The following CLYBL variants were observed in gnomAD, a reference collection of about 807,000 sequenced individuals.
CLYBL encodes citramalyl-CoA lyase, also known as citramalyl-CoA lyase, mitochondrial.
A neutral mutation model predicts 38.9 loss-of-function variants in CLYBL; 31 were observed. That is an observed-to-expected ratio of 0.80 (90% confidence interval 0.60 to 1.08). The LOEUF is 1.08. Ranked by LOEUF, CLYBL falls within the 50% of genes least tolerant of loss-of-function variation. The probability of loss-of-function intolerance (pLI) is 0.00; values close to 1 mark genes in which losing one functional copy is unlikely to be tolerated. For missense variants in CLYBL, 434 were observed against 411.6 expected, an observed-to-expected ratio of 1.05 and a Z score of -0.47; for synonymous variants, 171 against 158.6, an observed-to-expected ratio of 1.08 and a Z score of -0.59.
At chr13:99,810,849 C>T (rs573730369) in intron 2 of CLYBL, among the ~76,000 whole-genome samples, 1 of 152,092 alleles carries the variant, frequency 6.6e-6, no homozygotes, top group Non-Finnish European at 1.5e-5. Flanking sequence ...AAACGTAGCC[C>T]TCCTGTCAGC....
At chr13:99,781,808 C>A (rs1221930304) in intron 2 of CLYBL, among the ~76,000 whole-genome samples, 1 of 152,124 alleles carries the variant, frequency 6.6e-6, no homozygotes, top group African/African-American at 2.4e-5. Flanking sequence ...TCATTCTTTC[C>A]TCTCTTAGTT....
intron 1 of CLYBL, among the ~76,000 whole-genome samples, chr13:99,706,733 C>A (rs888630001): frequency 1.3e-4 from 20 of 152,320 alleles, no homozygotes; most frequent in Admixed American, 8.5e-4. Context: ...GCTTCTTCAG[C>A]CGAGCTCCAG....
rs184094550 is a variant in CLYBL, at chr13:99,628,378, G to A, written c.62+21621G>A. On this transcript the variant is annotated intron_variant, in intron 1 of 8. Transcript: ENST00000339105. ...TTCTTTAAGTGATATAGTAGACCTTGTTTGGATTAATCAGCAGCCTTGGGA... is the reference window on the plus strand; with the variant it reads ...TTCTTTAAGTGATATAGTAGACCTTATTTGGATTAATCAGCAGCCTTGGGA... 2.6e-3 allele frequency among the ~76,000 whole-genome samples: 392 copies of A among 152,292 alleles called. 1 individual carries two copies. The highest frequency in any genetic ancestry group is 8.9e-3 in the African/African-American group (371 of 41,558).
At chr13:99,852,158 T>C (rs2051347582) in intron 2 of CLYBL, among the ~76,000 whole-genome samples, 1 of 152,202 alleles carries the variant, frequency 6.6e-6, no homozygotes, top group Non-Finnish European at 1.5e-5. Context: ...GGTAGAATAG[T>C]GGTTGCCTAG....
intron 9 of CLYBL, among the ~76,000 whole-genome samples, chr13:99,907,233 T>G (rs1322786667): frequency 6.6e-6 from 1 of 152,170 alleles, no homozygotes; most frequent in East Asian, 1.9e-4. Context: ...CTAAGTAACC[T>G]TGAGCAAGAT....
chr13:99,784,321 C>T (rs565155038), intron 2 of CLYBL, among the ~76,000 whole-genome samples: 10 of 152,204 alleles, frequency 6.6e-5, no homozygotes, highest in South Asian at 2.1e-4. Flanking sequence ...TTGCAGTGGT[C>T]TCAAGGCTTA....
Position 99,874,964 on chromosome 13 carries a change from A to G in CLYBL, c.927+3902A>G, listed in dbSNP as rs113699494. ...CTCTGCTAGAATATTCATATTTTGCAGTATCTGGCTACAAATATGGCTTTG... is the reference window on the plus strand; with the variant it reads ...CTCTGCTAGAATATTCATATTTTGCGGTATCTGGCTACAAATATGGCTTTG... On this transcript the variant is annotated intron_variant, in intron 7 of 8. Coordinates refer to ENST00000339105, the MANE Select transcript of CLYBL (RefSeq NM_206808.5). 8.3e-3 allele frequency among the ~76,000 whole-genome samples: 1,267 copies of G among 152,364 alleles called. 11 individuals carry two copies. Among genetic ancestry groups the G allele is most frequent in the South Asian group, 0.022 (105 of 4,830 alleles).
chr13:99,864,702 T>C, intron 4 of CLYBL, 116 bp from the exon 5 acceptor site: 1 of 711,954 alleles, frequency 1.4e-6, no homozygotes, highest in Non-Finnish European at 2.5e-6. Context: ...TTTTTAGGAC[T>C]GCTTTCAGCC....
intron 1 of CLYBL, among the ~76,000 whole-genome samples, chr13:99,719,082 A>G (rs1234496571): frequency 1.3e-5 from 2 of 150,862 alleles, no homozygotes; most frequent in Non-Finnish European, 2.9e-5. Flanking sequence ...TGAACTCCCA[A>G]CCTCAGGTAA....
intron 2 of CLYBL, among the ~76,000 whole-genome samples, chr13:99,784,447 CTCTTTTTTTT>C (rs1195418082): frequency 6.0e-5 from 6 of 99,436 alleles, no homozygotes; most frequent in African/African-American, 6.5e-5. Context: ...GGAAAATTCT[CTCTTTTTTTT>C]TTTTTTTTTT....
At chr13:99,683,653 G>A (rs941979992) in intron 1 of CLYBL, among the ~76,000 whole-genome samples, 9 of 151,470 alleles carry the variant, frequency 5.9e-5, no homozygotes, top group Non-Finnish European at 1.2e-4. Context: ...GCAATAACAC[G>A]CACAGAGCTG....
At chr13:99,905,695 A>C (rs2052689242) in intron 9 of CLYBL, among the ~76,000 whole-genome samples, 1 of 147,892 alleles carries the variant, frequency 6.8e-6, no homozygotes, top group Non-Finnish European at 1.5e-5. Flanking sequence ...GCAGCCATAA[A>C]AAAGTGTTTT....
rs113648901 is a variant in CLYBL, at chr13:99,645,203, A to G, written c.62+38446A>G. Among the ~76,000 whole-genome samples the G allele has an allele frequency of 3.5e-3, 536 of 152,316 alleles. 6 individuals carry two copies. The highest frequency in any genetic ancestry group is 0.012 in the African/African-American group (481 of 41,572). On this transcript the variant is annotated intron_variant, in intron 1 of 8. Coordinates refer to ENST00000339105, the MANE Select transcript of CLYBL (RefSeq NM_206808.5). Reference sequence around the variant, plus strand: ...TTTGTTATTGCCTATCTTTTAGATAAAAGTCATTTTAGGCCGGGTGCAGTG... The same window carrying G: ...TTTGTTATTGCCTATCTTTTAGATAGAAGTCATTTTAGGCCGGGTGCAGTG...
intron 2 of CLYBL, among the ~76,000 whole-genome samples, chr13:99,809,224 A>T (rs985923416): frequency 6.6e-6 from 1 of 152,060 alleles, no homozygotes; most frequent in Admixed American, 6.6e-5. Context: ...AATTATGGGG[A>T]GTATTATTTA....
chr13:99,766,835 G>A (rs2049278066), intron 1 of CLYBL, among the ~76,000 whole-genome samples: 1 of 152,124 alleles, frequency 6.6e-6, no homozygotes, highest in Non-Finnish European at 1.5e-5. Context: ...GGCTGGCTAG[G>A]GGTCCATGCC....
At chr13:99,650,962 G>A (rs1001895025) in intron 1 of CLYBL, among the ~76,000 whole-genome samples, 1 of 152,158 alleles carries the variant, frequency 6.6e-6, no homozygotes, top group East Asian at 1.9e-4. Context: ...AAAATTCTCA[G>A]GGTGGTGAGA....
intron 1 of CLYBL, among the ~76,000 whole-genome samples, chr13:99,760,443 C>T (rs1379084297): frequency 2.0e-5 from 3 of 152,228 alleles, no homozygotes; most frequent in African/African-American, 7.2e-5. Flanking sequence ...ACCTTTGGGC[C>T]TTCATTTCAC....
intron 1 of CLYBL, among the ~76,000 whole-genome samples, chr13:99,691,761 A>C (rs527967372): frequency 6.6e-6 from 1 of 152,228 alleles, no homozygotes; most frequent in Non-Finnish European, 1.5e-5. Flanking sequence ...TCACCTGGCA[A>C]GTCCCTTCTA....
At chr13:99,725,313 T>A (rs78624372) in intron 1 of CLYBL, among the ~76,000 whole-genome samples, 16 of 152,176 alleles carry the variant, frequency 1.1e-4, no homozygotes, top group African/African-American at 3.9e-4. Context: ...GTTCTGGACC[T>A]GCTTCTTACT....
Sources: allele counts gnomAD v4.1 joint callset (sites outside exome capture counted in the v4.1 genomes callset), GRCh38; gene constraint gnomAD v4.1.1; transcripts MANE v1.5; gene names NCBI Gene and HGNC (gene_info 2026-07-23, HGNC 2026-07-21).